The following SGK1 variants were observed in gnomAD, a reference collection of about 807,000 sequenced individuals.
SGK1 encodes serine/threonine-protein kinase Sgk1.
SGK1 carries 26 observed loss-of-function variants against 64.2 expected under a neutral mutation model. The observed-to-expected ratio is 0.40, with a 90% CI of 0.30 to 0.56. The LOEUF is 0.56. Ranked by LOEUF, SGK1 falls within the 20% of genes least tolerant of loss-of-function variation. The probability of loss-of-function intolerance (pLI) is 0.38; values close to 1 mark genes in which losing one functional copy is unlikely to be tolerated. For synonymous variants in SGK1, 265 were observed against 239.7 expected (o/e 1.11, Z -0.98); for missense variants, 519 against 645.6 (o/e 0.80, Z 2.12).
rs193001043 is a variant in SGK1 at position 134,241,707 on chromosome 6, G to A, written c.285+20226C>T. Among the ~76,000 whole-genome samples, 19 of 152,204 alleles carry A rather than the reference G, an allele frequency of 1.2e-4. No individual in the cohort carries two copies. The East Asian group carries it at 2.5e-3, about 20-fold the overall frequency. On this transcript the variant is annotated intron_variant, in intron 2 of 13. Transcript: ENST00000367858. The stretch of plus-strand genomic sequence containing the variant: ...ACAATCTCGGCTCGCTGCAAGCTCC[G>A]CCTCCCGGGTTCAGGCCATTCTCCT...
chr6:134,269,949 T>C (rs1204810313), intron 1 of SGK1, among the ~76,000 whole-genome samples: 1 of 147,500 alleles, frequency 6.8e-6, no homozygotes, highest in Non-Finnish European at 1.5e-5. Flanking sequence ...GAGACGGAGT[T>C]GTACTTTTGT....
intron 1 of SGK1, among the ~76,000 whole-genome samples, chr6:134,272,216 C>A (rs560663577): frequency 3.4e-5 from 5 of 145,240 alleles, no homozygotes; most frequent in African/African-American, 1.2e-4. Flanking sequence ...TCTCAGCTCA[C>A]CGCAACCTCC....
chr6:134,277,997 G>A (rs1226485161), intron 1 of SGK1, among the ~76,000 whole-genome samples: 1 of 152,164 alleles, frequency 6.6e-6, no homozygotes, highest in East Asian at 1.9e-4. Context: ...ACTACCTTGA[G>A]CAAGACACTG....
intron 3 of SGK1, among the ~76,000 whole-genome samples, chr6:134,198,698 A>T (rs1224109636): frequency 1.5e-5 from 2 of 135,212 alleles, no homozygotes; most frequent in Non-Finnish European, 1.5e-5. Flanking sequence ...CTTTATAGTG[A>T]TTTTTTTTCT....
chr6:134,262,995 T>C (rs1164657992), intron 1 of SGK1, among the ~76,000 whole-genome samples: 1 of 152,034 alleles, frequency 6.6e-6, no homozygotes, highest in African/African-American at 2.4e-5. Context: ...AAGATTCAGG[T>C]AATAATATTT....
At chr6:134,175,593 CT>C in intron 3 of SGK1, 2 of 1,570,890 alleles carry the variant, frequency 1.3e-6, no homozygotes, top group Admixed American at 1.8e-5. Context: ...CCTCGGCCCT[CT>C]TTTTGTGGCG....
intron 2 of SGK1, among the ~76,000 whole-genome samples, chr6:134,243,954 T>C (rs1396391614): frequency 6.6e-6 from 1 of 152,094 alleles, no homozygotes; most frequent in Non-Finnish European, 1.5e-5. Flanking sequence ...TTATTTATTT[T>C]AATAATATTC....
intron 13 of SGK1, 97 bp from the exon 14 acceptor site, chr6:134,170,532 A>G (rs1395974320): frequency 1.2e-5 from 14 of 1,164,292 alleles, no homozygotes; most frequent in South Asian, 7.7e-5. Context: ...TTTAAGTCTT[A>G]TATCAACTTC....
intron 1 of SGK1, among the ~76,000 whole-genome samples, chr6:134,275,100 C>T (rs993524066): frequency 6.6e-6 from 1 of 151,820 alleles, no homozygotes; most frequent in Admixed American, 6.6e-5. Context: ...TGAGCCACAG[C>T]GCCTGGCCAT....
At chr6:134,227,479 C>T (rs143158633) in intron 2 of SGK1, among the ~76,000 whole-genome samples, 84 of 152,278 alleles carry the variant, frequency 5.5e-4, no homozygotes, top group Non-Finnish European at 1.1e-3. Flanking sequence ...ATCTGAAGGA[C>T]TAATGCAAGG....
chr6:134,237,054 TTTTC>T (rs1402519465), intron 2 of SGK1, among the ~76,000 whole-genome samples: 6 of 78,878 alleles, frequency 7.6e-5, no homozygotes, highest in South Asian at 8.1e-4. Context: ...TTCTTTTTCT[TTTTC>T]TTTTTTTTTT....
intron 1 of SGK1, among the ~76,000 whole-genome samples, chr6:134,278,492 T>C (rs935412427): frequency 1.3e-5 from 2 of 152,222 alleles, no homozygotes; most frequent in East Asian, 1.9e-4. Flanking sequence ...TGCTTGTTCG[T>C]TGAGTCCTCT....
intron 1 of SGK1, among the ~76,000 whole-genome samples, chr6:134,311,829 T>C (rs1777613047): frequency 6.6e-6 from 1 of 151,868 alleles, no homozygotes; most frequent in Admixed American, 6.6e-5. Context: ...GCCACTGGAG[T>C]CTCCGCCGTG....
intron 1 of SGK1, among the ~76,000 whole-genome samples, chr6:134,264,645 T>TATTATTATTA: frequency 6.6e-6 from 1 of 151,238 alleles, no homozygotes; most frequent in African/African-American, 2.5e-5. Context: ...TTATTATTAT[T>TATTATTATTA]TTTGTTGTTG....
At chr6:134,221,298 C>G (rs1037348949) in intron 2 of SGK1, among the ~76,000 whole-genome samples, 2 of 151,950 alleles carry the variant, frequency 1.3e-5, no homozygotes, top group East Asian at 1.9e-4. Context: ...AGTGAGACTC[C>G]GCCTCAAAAA....
intron 3 of SGK1, among the ~76,000 whole-genome samples, chr6:134,192,002 T>G (rs1260621385): frequency 6.6e-6 from 1 of 151,748 alleles, no homozygotes; most frequent in Admixed American, 6.6e-5. Flanking sequence ...AGCTAATTTT[T>G]GTATTTTTAG....
chr6:134,272,307 AT>A (rs527544494), intron 1 of SGK1, among the ~76,000 whole-genome samples: 7,702 of 119,392 alleles, frequency 0.065, 724 homozygotes, highest in East Asian at 0.33. Context: ...TGACCAGCTA[AT>A]TTTTTTTTTT....
chr6:134,189,205 G>GGTGTGTGTGT (rs71545087), intron 3 of SGK1, among the ~76,000 whole-genome samples: 1 of 148,124 alleles, frequency 6.8e-6, no homozygotes, highest in African/African-American at 2.5e-5. Context: ...CTTTTATACA[G>GGTGTGTGTGT]GTGTGTGTGT....
chr6:134,269,679 G>C (rs1345874327), intron 1 of SGK1, among the ~76,000 whole-genome samples: 6 of 146,468 alleles, frequency 4.1e-5, no homozygotes, highest in Non-Finnish European at 9.1e-5. Flanking sequence ...AAAAGAGAGA[G>C]AGAAAGTAAG....
Sources: gnomAD v4.1 joint callset for allele counts (sites outside exome capture counted in the v4.1 genomes callset) on GRCh38, gnomAD v4.1.1 for gene constraint, MANE v1.5 for transcripts, NCBI Gene and HGNC (gene_info 2026-07-23, HGNC 2026-07-21) for gene names.